Variants in CORO1C observed in about 807,000 individuals in gnomAD.
CORO1C encodes coronin 1C, also known as coronin-1C.
Under a neutral mutation model 51.2 loss-of-function variants are expected in CORO1C, and 14 were observed. The observed-to-expected ratio is 0.27, with a 90% CI of 0.18 to 0.43. The LOEUF is 0.43. Among genes scored for constraint, CORO1C ranks in the 20% least tolerant of loss-of-function variants. CORO1C has a pLI of 1.00. For synonymous variants in CORO1C, 181 were observed against 210.5 expected, an observed-to-expected ratio of 0.86 and a Z score of 1.21; for missense variants, 417 against 607.8, an observed-to-expected ratio of 0.69 and a Z score of 3.30.
intron 2 of CORO1C, among the ~76,000 whole-genome samples, chr12:108,693,027 AC>A (rs1328357079): frequency 6.6e-6 from 1 of 151,858 alleles, no homozygotes; most frequent in East Asian, 1.9e-4. Flanking sequence ...CAAACTGCTG[AC>A]CTCAGGTGAT....
At position 108,646,698 on chromosome 12, in the gene CORO1C, A is replaced by G. The variant is rs1225318889; in HGVS notation, c.*705T>C. 6.6e-6 allele frequency: 1 copy of G among 152,334 alleles called. No individual in the cohort carries two copies. Among genetic ancestry groups the G allele is most frequent in the East Asian group, 1.9e-4 (1 of 5,206 alleles). 9.4% of individuals were successfully genotyped at this position (152,334 alleles called of 1,614,324 possible). On this transcript the variant is annotated 3_prime_UTR_variant, in exon 11 of 11. Coordinates refer to ENST00000261401, the MANE Select transcript of CORO1C (RefSeq NM_014325.4). ...TACGACGTGAGCTTTTTTGATCAGA[A>G]GACTCCATGAAATGAGAGCGGTGGT... is the stretch of plus-strand genomic sequence containing the variant.
chr12:108,695,814 A>T (rs943625814), intron 2 of CORO1C, among the ~76,000 whole-genome samples: 1 of 149,310 alleles, frequency 6.7e-6, no homozygotes, highest in African/African-American at 2.5e-5. Flanking sequence ...AATCCTATGC[A>T]TCTAGAAGAC....
rs138291345 is a variant in CORO1C at position 108,662,067 on chromosome 12, G to C, written c.410C>G (p.Ala137Gly). The change falls in exon 4 of 11, where the codon GCT becomes GGT. Residue 137 changes from alanine to glycine, a missense_variant. Physicochemically the swap from Ala to Gly is moderately conservative, Grantham distance 60 (BLOSUM62 0). Transcript: ENST00000261401. ...EGHSKRVGIV[A>G]WHPTARNVLL... The stretch of plus-strand genomic sequence containing the variant: ...CACATTGCGGGCCGTTGGATGCCAA[G>C]CCACGATGCCGACTCTCTTTGAGTG... 8.1e-6 allele frequency: 13 copies of C among 1,614,074 alleles called. No homozygotes were observed. In the African/African-American group the frequency reaches 1.6e-4, roughly 20 times the overall value.
chr12:108,698,030 C>T (rs2034744949), intron 2 of CORO1C, among the ~76,000 whole-genome samples: 1 of 152,266 alleles, frequency 6.6e-6, no homozygotes, highest in African/African-American at 2.4e-5. Flanking sequence ...GCCTGGTAAC[C>T]AGCCAGCATC....
At chr12:108,726,935 T>C in intron 1 of CORO1C, among the ~76,000 whole-genome samples, 1 of 152,214 alleles carries the variant, frequency 6.6e-6, no homozygotes, top group East Asian at 1.9e-4. Flanking sequence ...TTGAGCACTT[T>C]TTGGTAAGAG....
At position 108,716,757 on chromosome 12, in the gene CORO1C, C is replaced by T. The variant is rs115447459; in HGVS notation, c.-6+14672G>A. On this transcript the variant is annotated intron_variant, in intron 1 of 10. Coordinates refer to ENST00000261401, the MANE Select transcript of CORO1C (RefSeq NM_014325.4). ...TCTTTCACTGGGATACAGTCCACAT[C>T]CCCCCCAGTAAAACAGACACAACTC... Among the ~76,000 whole-genome samples, 471 of 152,204 alleles carry T rather than the reference C, an allele frequency of 3.1e-3. 2 individuals are homozygous for T. The highest frequency in any genetic ancestry group is 0.011 in the African/African-American group (439 of 41,518).
At chr12:108,684,838 A>T (rs567466842) in intron 2 of CORO1C, among the ~76,000 whole-genome samples, 1 of 152,314 alleles carries the variant, frequency 6.6e-6, no homozygotes, top group South Asian at 2.1e-4. Flanking sequence ...AAAGTTAAGA[A>T]ATACACCAAT....
chr12:108,723,584 T>C (rs924013566), intron 1 of CORO1C, among the ~76,000 whole-genome samples: 3 of 152,232 alleles, frequency 2.0e-5, no homozygotes, highest in Non-Finnish European at 4.4e-5. Context: ...GCCTCAGCAG[T>C]TGTTGAGACA....
intron 1 of CORO1C, among the ~76,000 whole-genome samples, chr12:108,719,752 T>C (rs909491392): frequency 3.3e-5 from 5 of 152,180 alleles, no homozygotes; most frequent in African/African-American, 1.2e-4. Flanking sequence ...AGAAAGATAG[T>C]GAAGGAAAAC....
At chr12:108,673,494 C>T (rs958822956) in intron 3 of CORO1C, among the ~76,000 whole-genome samples, 9 of 152,176 alleles carry the variant, frequency 5.9e-5, no homozygotes, top group African/African-American at 1.7e-4. Flanking sequence ...GCAAGTTATC[C>T]GGAAGGTCTG....
chr12:108,705,110 G>A (rs1216704300), intron 1 of CORO1C, among the ~76,000 whole-genome samples: 1 of 152,118 alleles, frequency 6.6e-6, no homozygotes, highest in Non-Finnish European at 1.5e-5. Flanking sequence ...TCTGAGCTCT[G>A]CAACATATTA....
rs2035437084 is a variant in CORO1C, at chr12:108,719,959, AG to A, written c.-6+11469del. Among the ~76,000 whole-genome samples, 2 of 152,194 alleles carry A rather than the reference AG, an allele frequency of 1.3e-5. 1 individual carries two copies. Among genetic ancestry groups the A allele is most frequent in the Non-Finnish European group, 2.9e-5 (2 of 68,030 alleles). ...CAGCACTTTGGGAGGCTGAGGCGAG[AG>A]GATCACTTGAGCCCAAGAGTTGGAA... On this transcript the variant is annotated intron_variant, in intron 1 of 10. Coordinates refer to ENST00000261401, the MANE Select transcript of CORO1C (RefSeq NM_014325.4).
intron 1 of CORO1C, among the ~76,000 whole-genome samples, chr12:108,715,923 G>A (rs536102504): frequency 1.8e-4 from 27 of 151,822 alleles, no homozygotes; most frequent in African/African-American, 6.5e-4. Flanking sequence ...CACAAGGTCA[G>A]GAAATGAGAC....
chr12:108,694,391 G>GT (rs758736712), intron 2 of CORO1C, among the ~76,000 whole-genome samples: 1 of 150,516 alleles, frequency 6.6e-6, no homozygotes, highest in African/African-American at 2.4e-5. Context: ...AAAGTACTGT[G>GT]TTAAATTTCA....
chr12:108,710,562 CTTTT>C (rs879270804), intron 1 of CORO1C, among the ~76,000 whole-genome samples: 4 of 145,470 alleles, frequency 2.7e-5, no homozygotes, highest in South Asian at 2.2e-4. Flanking sequence ...TAAAATTTTT[CTTTT>C]TTTTTTTCTT....
At position 108,648,976 on chromosome 12, in the gene CORO1C, G is replaced by A. The variant is rs1477329397; in HGVS notation, c.1046C>T (p.Thr349Ile). The A allele has an allele frequency of 2.5e-6, 4 of 1,614,188 alleles. No homozygotes were observed. Among genetic ancestry groups the A allele is most frequent in the South Asian group, 2.2e-5 (2 of 91,070 alleles). ...CTCAGCACTCACCTTCCTGGGAACA[G>A]TCATAATAATAGGTTCACACTTTCT... ...HERKCEPIIM[T>I]VPRKSDLFQD... The change falls in exon 9 of 11, where the codon ACT becomes ATT. Residue 349 changes from threonine to isoleucine, a missense_variant. Transcript: ENST00000261401.
chr12:108,672,327 T>A (rs2033750637), intron 3 of CORO1C, among the ~76,000 whole-genome samples: 1 of 152,212 alleles, frequency 6.6e-6, no homozygotes, highest in Admixed American at 6.5e-5. Flanking sequence ...GAATACATCA[T>A]TTTTAAATGG....
Position 108,657,355 on chromosome 12 carries a change from G to A in CORO1C, c.699C>T (p.Phe233=). 6.2e-7 allele frequency: 1 copy of A among 1,614,194 alleles called. No homozygotes were observed. The highest frequency in any genetic ancestry group is 8.5e-7 in the Non-Finnish European group (1 of 1,180,024). Residue 233 remains phenylalanine (F), a synonymous_variant, in exon 6 of 11, where the codon TTC becomes TTT. Coordinates refer to ENST00000261401, the MANE Select transcript of CORO1C (RefSeq NM_014325.4). ...CGCTCATGCGGCTGAACCCAGTGGT[G>A]AAGACATTGCCATCGGCCAGGAAGA... ...RAIFLADGNV[F]TTGFSRMSER... is the part of the protein sequence containing the mutation.
rs866164564 is a variant in CORO1C, at chr12:108,688,986, G to T, written c.196-10592C>A. Among the ~76,000 whole-genome samples the T allele has an allele frequency of 4.5e-4, 66 of 148,262 alleles. 1 individual carries two copies. Among genetic ancestry groups the T allele is most frequent in the African/African-American group, 1.5e-3 (62 of 40,194 alleles). On this transcript the variant is annotated intron_variant, in intron 2 of 10. Transcript: ENST00000261401. Reference sequence around the variant, plus strand: ...ACGGAGGTTGCAGTGAGCTGAGAGCGTACCACTACACTCCAGCCTGGGCGA... The same window carrying T: ...ACGGAGGTTGCAGTGAGCTGAGAGCTTACCACTACACTCCAGCCTGGGCGA...
Sources: gnomAD v4.1 joint callset for allele counts (sites outside exome capture counted in the v4.1 genomes callset) on GRCh38, gnomAD v4.1.1 for gene constraint, MANE v1.5 for transcripts, NCBI Gene and HGNC (gene_info 2026-07-23, HGNC 2026-07-21) for gene names.